RTCA: variants seen among roughly 807,000 people sequenced by gnomAD.
RTCA encodes the protein RNA 3'-terminal phosphate cyclase.
A neutral mutation model predicts 46.1 loss-of-function variants in RTCA; 37 were observed. That is an observed-to-expected ratio of 0.80 (90% CI 0.62 to 1.06). The LOEUF is 1.06. Ranked by LOEUF, RTCA falls within the 50% of genes least tolerant of loss-of-function variation. The pLI is 0.00. For synonymous variants in RTCA, 164 were observed against 158.3 expected (o/e 1.04, Z -0.27); for missense variants, 435 against 455.5 (o/e 0.95, Z 0.41).
chr1:100,286,454 CAAAAAAA>C (rs754851046), intron 9 of RTCA, among the ~76,000 whole-genome samples: 4 of 45,360 alleles, frequency 8.8e-5, no homozygotes, highest in African/African-American at 1.6e-4. Context: ...GACTCCGTCT[CAAAAAAA>C]AAAAAAAAAA....
At position 100,266,304 on chromosome 1, in the gene RTCA, A is replaced by G; in HGVS notation, c.-72A>G. ...CAAGGTTTCTGAACTACTGGGCGGG[A>G]GCCAACGTCTCTTCTTTCTCCCGCT... On this transcript the variant is annotated 5_prime_UTR_variant, in exon 1 of 11. Transcript: ENST00000370128. The G allele has an allele frequency of 6.3e-7, 1 of 1,575,794 alleles. No homozygotes were observed. The highest frequency in any genetic ancestry group is 8.6e-7 in the Non-Finnish European group (1 of 1,162,330).
At chr1:100,266,442 C>CG (rs752100056) in intron 1 of RTCA, 22 bp downstream of exon 1, 10 of 1,609,382 alleles carry the variant, frequency 6.2e-6, no homozygotes, top group Non-Finnish European at 7.6e-6. Context: ...GCGAAGCGGC[C>CG]GGGGCTGCAG....
chr1:100,286,174 A>G (rs1326127237), intron 9 of RTCA, among the ~76,000 whole-genome samples: 1 of 151,922 alleles, frequency 6.6e-6, no homozygotes, highest in Non-Finnish European at 1.5e-5. Flanking sequence ...AGCACGTTGC[A>G]TGGCGCGGTG....
At position 100,277,935 on chromosome 1, in the gene RTCA, CAG is replaced by C. The variant is rs559594609; in HGVS notation, c.799+622_799+623del. 3.4e-3 allele frequency among the ~76,000 whole-genome samples: 523 copies of C among 152,218 alleles called. 8 individuals carry two copies. The highest frequency in any genetic ancestry group is 3.5e-3 in the East Asian group (18 of 5,188). On this transcript the variant is annotated intron_variant, in intron 8 of 10. Coordinates refer to ENST00000370128, the MANE Select transcript of RTCA (RefSeq NM_003729.4). Reference sequence around the variant, plus strand: ...TTTAAGAGTCCAGGCCATTTTCTCACAGAGTTTCCCACAATTTAAATTTGTCT... The same window carrying C: ...TTTAAGAGTCCAGGCCATTTTCTCACAGTTTCCCACAATTTAAATTTGTCT...
chr1:100,268,150 A>G lies in RTCA; in HGVS notation c.147-2A>G. On this transcript the variant is annotated splice_acceptor_variant, in intron 2 of 10. Transcript: ENST00000370128. LOFTEE classifies it high-confidence loss of function. Reference sequence around the variant, plus strand: ...GTTTTGATGCAGTATTATGACCTGAAGGCCTCAACATTTATCTGGACTGGA... The same window carrying G: ...GTTTTGATGCAGTATTATGACCTGAGGGCCTCAACATTTATCTGGACTGGA... 1 of 1,614,098 alleles carries G rather than the reference A, an allele frequency of 6.2e-7. No homozygotes were observed. Among genetic ancestry groups the G allele is most frequent in the South Asian group, 1.1e-5 (1 of 91,082 alleles).
intron 8 of RTCA, among the ~76,000 whole-genome samples, chr1:100,278,390 T>G (rs951733799): frequency 3.9e-5 from 6 of 152,236 alleles, no homozygotes; most frequent in Admixed American, 1.3e-4. Context: ...TTAAAGTTAC[T>G]TTTACCAATC....
chr1:100,278,333 G>C (rs1034942615), intron 8 of RTCA, among the ~76,000 whole-genome samples: 1 of 152,120 alleles, frequency 6.6e-6, no homozygotes, highest in Non-Finnish European at 1.5e-5. Flanking sequence ...TTTAAGGTTT[G>C]GTATATTAGA....
chr1:100,280,838 C>CA (rs1212953020), intron 8 of RTCA, among the ~76,000 whole-genome samples: 1 of 152,060 alleles, frequency 6.6e-6, no homozygotes, highest in Non-Finnish European at 1.5e-5. Flanking sequence ...CCTGTCTCTA[C>CA]AAAAAATACA....
chr1:100,279,580 G>A (rs116601530), intron 8 of RTCA, among the ~76,000 whole-genome samples: 3 of 152,232 alleles, frequency 2.0e-5, no homozygotes, highest in African/African-American at 7.2e-5. Context: ...TTTGACAACA[G>A]CCTGGCCAAC....
At position 100,266,563 on chromosome 1, in the gene RTCA, C is replaced by A; in HGVS notation, c.85C>A (p.Leu29Ile). 1 of 1,614,046 alleles carries A rather than the reference C, an allele frequency of 6.2e-7. No homozygotes were observed. The highest frequency in any genetic ancestry group is 8.5e-7 in the Non-Finnish European group (1 of 1,179,908). The change falls in exon 2 of 11, where the codon CTC (leucine) becomes ATC (isoleucine). Residue 29 changes from leucine to isoleucine, a missense_variant. Leu to Ile is a conservative substitution (Grantham distance 5). Coordinates refer to ENST00000370128, the MANE Select transcript of RTCA (RefSeq NM_003729.4). ...GAGAGTCTCTACGGCCTTGAGCTGT[C>A]TCCTAGGCCTCCCCTTGCGGGTGCA... is the stretch of plus-strand genomic sequence containing the variant. ...ILRVSTALSC[L>I]LGLPLRVQKI...
rs576187020 is a variant in RTCA at position 100,277,763 on chromosome 1, T to G, written c.799+447T>G. Among the ~76,000 whole-genome samples the G allele has an allele frequency of 3.3e-5, 5 of 151,594 alleles. No individual in the cohort carries two copies. The South Asian group carries it at 1.1e-3, about 32-fold the overall frequency. ...ATAGCTTCATACATAATGAATTGTT[T>G]CCAAAATATTATTTAGAGCGATGTG... On this transcript the variant is annotated intron_variant, in intron 8 of 10. Transcript: ENST00000370128.
chr1:100,268,280 A>G lies in RTCA; in HGVS notation c.275A>G (p.Asp92Gly), dbSNP rs759214747. 3.7e-6 allele frequency: 6 copies of G among 1,612,674 alleles called. No individual in the cohort carries two copies. Among genetic ancestry groups the G allele is most frequent in the Admixed American group, 1.7e-5 (1 of 59,698 alleles). The change falls in exon 3 of 11, where the codon GAT becomes GGT. Residue 92 changes from aspartate to glycine, a missense_variant. Transcript: ENST00000370128. ...EKIKGGIHTA[D>G]TKTAGSVCLL... ...ATCAAAGGTGGAATCCACACAGCAG[A>G]TACCAAGACAGCAGGGTATGTATCA...
intron 8 of RTCA, among the ~76,000 whole-genome samples, chr1:100,282,668 A>G (rs1666775979): frequency 2.0e-5 from 3 of 152,222 alleles, no homozygotes. Flanking sequence ...AAAATCTGAA[A>G]TATTCCAAAA....
chr1:100,286,965 G>T, intron 9 of RTCA, 134 bp from the exon 10 acceptor site: 1 of 611,238 alleles, frequency 1.6e-6, no homozygotes, highest in South Asian at 2.9e-5. Flanking sequence ...GAGTATGTCT[G>T]GAAACCTAAA....
intron 2 of RTCA, chr1:100,267,414 G>C: frequency 7.6e-7 from 1 of 1,309,912 alleles, no homozygotes; most frequent in Non-Finnish European, 9.9e-7. Context: ...TTAGGCTGTA[G>C]GTGTTGTATT....
At chr1:100,278,895 A>G (rs1438134620) in intron 8 of RTCA, among the ~76,000 whole-genome samples, 2 of 152,240 alleles carry the variant, frequency 1.3e-5, no homozygotes, top group Non-Finnish European at 2.9e-5. Flanking sequence ...GACCTACCTC[A>G]GACGTATTGA....
Position 100,285,239 on chromosome 1 carries a change from G to T in RTCA, c.811G>T (p.Asp271Tyr). ...SSLGKRGVNA[D>Y]KVGIEAAEML... ...GTGCTTATCTTAAGGTGTAAATGCA[G>T]ACAAAGTTGGAATTGAAGCTGCCGA... is the stretch of plus-strand genomic sequence containing the variant. The change falls in exon 9 of 11, where the codon GAC becomes TAC. Residue 271 changes from aspartate to tyrosine, a missense_variant. Physicochemically the swap from Asp to Tyr is radical, Grantham distance 160. Coordinates refer to ENST00000370128, the MANE Select transcript of RTCA (RefSeq NM_003729.4). 1 of 1,612,916 alleles carries T rather than the reference G, an allele frequency of 6.2e-7. No individual in the cohort carries two copies. Among genetic ancestry groups the T allele is most frequent in the South Asian group, 1.1e-5 (1 of 91,016 alleles).
At chr1:100,281,316 TTATGA>T (rs766012377) in intron 8 of RTCA, 22 of 533,586 alleles carry the variant, frequency 4.1e-5, no homozygotes, top group South Asian at 2.2e-4. Context: ...AGGCAGTGTG[TTATGA>T]TAGAGAGCAC....
chr1:100,276,878 C>T (rs923330613), intron 7 of RTCA, among the ~76,000 whole-genome samples: 1 of 152,112 alleles, frequency 6.6e-6, no homozygotes, highest in Admixed American at 6.6e-5. Context: ...ATCTAAAAAC[C>T]GTAGAACAAT....
Sources: allele counts gnomAD v4.1 joint callset (sites outside exome capture counted in the v4.1 genomes callset), GRCh38; gene constraint gnomAD v4.1.1; transcripts MANE v1.5; gene names NCBI Gene and HGNC (gene_info 2026-07-23, HGNC 2026-07-21).